The following PCDH15 variants were observed in gnomAD, a reference collection of about 807,000 sequenced individuals.
PCDH15 encodes the protein protocadherin-15.
PCDH15 carries 129 observed loss-of-function variants against 178.5 expected under a neutral mutation model. That is an observed-to-expected ratio of 0.72 (90% CI 0.63 to 0.84). The LOEUF is 0.84. Ranked by LOEUF, PCDH15 falls within the 40% of genes least tolerant of loss-of-function variation. The pLI is 0.00. For synonymous variants in PCDH15, 800 were observed against 732.0 expected, an observed-to-expected ratio of 1.09 and a Z score of -1.50; for missense variants, 2,230 against 2,099.9, an observed-to-expected ratio of 1.06 and a Z score of -1.21.
At chr10:53,811,046 G>A (rs2075846706) in intron 36 of PCDH15, among the ~76,000 whole-genome samples, 2 of 152,188 alleles carry the variant, frequency 1.3e-5, no homozygotes, top group South Asian at 4.1e-4. Context: ...GTAGCAAGAA[G>A]TTGCTTCAAA....
intron 2 of PCDH15, among the ~76,000 whole-genome samples, chr10:55,608,380 G>A (rs1192864277): frequency 1.3e-5 from 2 of 151,390 alleles, no homozygotes; most frequent in Non-Finnish European, 3.0e-5. Flanking sequence ...AATTAGAAAT[G>A]ATCTGTGTTC....
chr10:55,392,979 ATGTGTGTGTGTGTG>A lies in PCDH15; in HGVS notation c.-155-226342_-155-226329del, dbSNP rs10546546. ...AGTATCAATCTAAGAACTAAAGTGT[ATGTGTGTGTGTGTG>A]TGTGTGTGTGTGTGTGTGTGTGTAT... On this transcript the variant is annotated intron_variant, in intron 2 of 5. Coordinates refer to the PCDH15 transcript ENST00000613346. 1.5e-3 allele frequency among the ~76,000 whole-genome samples: 218 copies of A among 144,158 alleles called. 1 individual carries two copies. Among genetic ancestry groups the A allele is most frequent in the African/African-American group, 4.7e-3 (186 of 39,242 alleles). The allele number at this position is 144,158 out of a possible 152,430, so 94.6% of individuals were successfully genotyped here.
chr10:54,045,593 C>T (rs1204308741), intron 18 of PCDH15, among the ~76,000 whole-genome samples: 3 of 152,106 alleles, frequency 2.0e-5, no homozygotes, highest in African/African-American at 7.2e-5. Context: ...AACCCTCATA[C>T]ACATGTATAT....
intron 21 of PCDH15, among the ~76,000 whole-genome samples, chr10:53,980,959 A>T (rs1254084712): frequency 6.6e-6 from 1 of 152,164 alleles, no homozygotes; most frequent in Non-Finnish European, 1.5e-5. Context: ...TATGTAACAA[A>T]TGATATCAGC....
chr10:55,137,159 C>T (rs958981869), intron 2 of PCDH15, among the ~76,000 whole-genome samples: 7 of 151,950 alleles, frequency 4.6e-5, no homozygotes, highest in Non-Finnish European at 5.9e-5. Context: ...AGTCATGTAC[C>T]GCATGATATT....
At position 55,358,261 on chromosome 10, in the gene PCDH15, T is replaced by G. The variant is rs769197794; in HGVS notation, c.-155-191610A>C. On this transcript the variant is annotated intron_variant, in intron 2 of 5. Coordinates refer to the PCDH15 transcript ENST00000613346. ...TTTTGTATGATTTGAATAATTTGCATTATTTGATTCAGGCATGATTTGAAT... is the reference window on the plus strand; with the variant it reads ...TTTTGTATGATTTGAATAATTTGCAGTATTTGATTCAGGCATGATTTGAAT... 6.6e-5 allele frequency among the ~76,000 whole-genome samples: 10 copies of G among 152,280 alleles called. 1 individual carries two copies. Among genetic ancestry groups the G allele is most frequent in the Middle Eastern group, 6.8e-3 (2 of 294 alleles).
chr10:54,160,189 A>G (rs4480446), intron 13 of PCDH15, among the ~76,000 whole-genome samples: 7 of 151,858 alleles, frequency 4.6e-5, no homozygotes, highest in African/African-American at 1.7e-4. Context: ...GCCCCCCCCA[A>G]CAAGCTGGGG....
chr10:53,967,512 T>C (rs2089169764), intron 21 of PCDH15, among the ~76,000 whole-genome samples: 1 of 152,178 alleles, frequency 6.6e-6, no homozygotes, highest in Admixed American at 6.5e-5. Flanking sequence ...CCTCAAGTGT[T>C]CCTTTCAGTT....
At chr10:54,229,560 A>G (rs943860001) in intron 9 of PCDH15, among the ~76,000 whole-genome samples, 1 of 152,156 alleles carries the variant, frequency 6.6e-6, no homozygotes, top group Non-Finnish European at 1.5e-5. Flanking sequence ...AGGTAATTGA[A>G]TCATGAAGGC....
In PCDH15 at chr10:54,304,751, G is replaced by A. The variant is rs4466738; in HGVS notation, c.876+12520C>T. 9.3e-3 allele frequency among the ~76,000 whole-genome samples: 1,417 copies of A among 152,166 alleles called. 31 individuals carry two copies. Among genetic ancestry groups the A allele is most frequent in the African/African-American group, 0.032 (1,342 of 41,524 alleles). ...GGAGCAAAAGTAGAAACAGGGACAG[G>A]AGATGACAGTGGCTTATGTATAAGA... On this transcript the variant is annotated intron_variant, in intron 8 of 37. Transcript: ENST00000644397.
chr10:54,505,057 T>A (rs2081050786), intron 3 of PCDH15, among the ~76,000 whole-genome samples: 1 of 152,074 alleles, frequency 6.6e-6, no homozygotes, highest in South Asian at 2.1e-4. Context: ...AGAATCACTT[T>A]GTTTTTTTGT....
At chr10:54,048,828 A>C (rs1195733091) in intron 18 of PCDH15, among the ~76,000 whole-genome samples, 2 of 151,760 alleles carry the variant, frequency 1.3e-5, no homozygotes, top group African/African-American at 2.4e-5. Flanking sequence ...TTTCTGCTTA[A>C]GATCGCTTTG....
intron 2 of PCDH15, among the ~76,000 whole-genome samples, chr10:55,060,738 T>C (rs1033057095): frequency 1.3e-5 from 2 of 152,008 alleles, no homozygotes; most frequent in Admixed American, 1.3e-4. Flanking sequence ...AAGAAGTTTC[T>C]CATGGACTAA....
chr10:53,859,128 G>C (rs2133063329), intron 27 of PCDH15, among the ~76,000 whole-genome samples: 1 of 152,032 alleles, frequency 6.6e-6, no homozygotes, highest in African/African-American at 2.4e-5. Flanking sequence ...ACTATAGGGT[G>C]TTATCCCAAC....
intron 18 of PCDH15, among the ~76,000 whole-genome samples, chr10:54,026,079 T>G (rs964064594): frequency 2.6e-5 from 4 of 151,902 alleles, no homozygotes; most frequent in Non-Finnish European, 5.9e-5. Flanking sequence ...GGGATTTTTT[T>G]TTTTTTTTGA....
intron 2 of PCDH15, among the ~76,000 whole-genome samples, chr10:55,004,934 A>G (rs1313800725): frequency 6.6e-6 from 1 of 152,160 alleles, no homozygotes; most frequent in Non-Finnish European, 1.5e-5. Context: ...CAGAATGGGT[A>G]GTAAAATTTG....
intron 2 of PCDH15, among the ~76,000 whole-genome samples, chr10:54,569,069 C>T (rs1167666851): frequency 6.6e-6 from 1 of 151,348 alleles, no homozygotes. Context: ...TTTCAGAGAC[C>T]ATAGAATTTT....
intron 2 of PCDH15, among the ~76,000 whole-genome samples, chr10:55,473,504 G>T (rs111458956): frequency 1.5e-3 from 228 of 152,226 alleles, no homozygotes; most frequent in African/African-American, 5.2e-3. Context: ...CTACATGGAA[G>T]AAGTACTTTA....
chr10:54,129,660 A>G (rs922529255), intron 15 of PCDH15, among the ~76,000 whole-genome samples: 15 of 152,212 alleles, frequency 9.9e-5, no homozygotes, highest in African/African-American at 3.6e-4. Context: ...TGCCACACTA[A>G]GTGTTAATTA....
Sources: gnomAD v4.1 joint callset for allele counts (sites outside exome capture counted in the v4.1 genomes callset) on GRCh38, gnomAD v4.1.1 for gene constraint, MANE v1.5 for transcripts, NCBI Gene and HGNC (gene_info 2026-07-23, HGNC 2026-07-21) for gene names.